The following SND1 variants were observed in gnomAD, a reference collection of about 807,000 sequenced individuals.
The protein encoded by SND1 is staphylococcal nuclease domain-containing protein 1.
SND1 carries 38 observed loss-of-function variants against 121.7 expected under a neutral mutation model. That is an observed-to-expected ratio of 0.31 (90% CI 0.24 to 0.41). The LOEUF (loss-of-function observed/expected upper bound fraction) is 0.41. Ranked by LOEUF, SND1 falls within the 10% of genes least tolerant of loss-of-function variation. The pLI is 1.00. For missense variants in SND1, 868 were observed against 1,184.6 expected, an observed-to-expected ratio of 0.73 and a Z score of 3.92; for synonymous variants, 401 against 447.4, an observed-to-expected ratio of 0.90 and a Z score of 1.31.
chr7:127,676,919 T>C (rs1795626996), intron 1 of SND1, among the ~76,000 whole-genome samples: 1 of 152,172 alleles, frequency 6.6e-6, no homozygotes, highest in South Asian at 2.1e-4. Flanking sequence ...TTTTTGTATT[T>C]TTAGTAGAGA....
At chr7:127,800,930 A>G (rs920673321) in intron 10 of SND1, among the ~76,000 whole-genome samples, 2 of 152,182 alleles carry the variant, frequency 1.3e-5, no homozygotes, top group Non-Finnish European at 2.9e-5. Context: ...GGGTTTTACT[A>G]TATCAGTCTA....
chr7:127,760,010 G>C (rs1797273944), intron 10 of SND1, among the ~76,000 whole-genome samples: 1 of 152,080 alleles, frequency 6.6e-6, no homozygotes, highest in Non-Finnish European at 1.5e-5. Context: ...CGACATACTT[G>C]GGCTCTTGTC....
chr7:127,953,196 GTGTGTGTGTGTGTGTGTGTGTGTGTA>G (rs879448301), intron 15 of SND1, among the ~76,000 whole-genome samples: 2,524 of 107,730 alleles, frequency 0.023, 77 homozygotes, highest in Middle Eastern at 0.091. Flanking sequence ...GTGTGTGTGT[GTGTGTGTGTGTGTGTGTGTGTGTGTA>G]TGTATGAAAA....
At chr7:128,018,227 T>A (rs1803269962) in intron 16 of SND1, among the ~76,000 whole-genome samples, 1 of 152,254 alleles carries the variant, frequency 6.6e-6, no homozygotes. Context: ...CAGTCATCTT[T>A]TAAGTACAAA....
At chr7:127,878,624 T>C (rs1391979804) in intron 12 of SND1, among the ~76,000 whole-genome samples, 1 of 152,150 alleles carries the variant, frequency 6.6e-6, no homozygotes, top group Non-Finnish European at 1.5e-5. Context: ...ATCTGTATTA[T>C]GAATTCTGGG....
intron 1 of SND1, 104 bp from the exon 2 acceptor site, chr7:127,686,509 A>AGT: frequency 3.2e-6 from 4 of 1,251,486 alleles, no homozygotes; most frequent in Non-Finnish European, 3.3e-6. Context: ...ATGCCTTTGA[A>AGT]GTGCAAATGC....
At chr7:127,885,263 G>A (rs1799875099) in intron 12 of SND1, among the ~76,000 whole-genome samples, 1 of 152,050 alleles carries the variant, frequency 6.6e-6, no homozygotes, top group East Asian at 1.9e-4. Context: ...TATCACATGG[G>A]GAACCCACCA....
At chr7:127,688,532 T>C (rs894974446) in intron 2 of SND1, among the ~76,000 whole-genome samples, 5 of 132,850 alleles carry the variant, frequency 3.8e-5, no homozygotes, top group African/African-American at 1.4e-4. Context: ...ACTGACAACA[T>C]AGCAAGATCC....
At chr7:127,827,270 C>T (rs1430845106) in intron 11 of SND1, among the ~76,000 whole-genome samples, 1 of 152,042 alleles carries the variant, frequency 6.6e-6, no homozygotes, top group Non-Finnish European at 1.5e-5. Flanking sequence ...CTCACTTAAC[C>T]AATTAAGAGT....
chr7:127,969,927 A>C (rs1303423968), intron 15 of SND1, among the ~76,000 whole-genome samples: 1 of 152,206 alleles, frequency 6.6e-6, no homozygotes, highest in Non-Finnish European at 1.5e-5. Flanking sequence ...TTTATCTTCT[A>C]TAAATTAGAG....
chr7:127,826,325 A>G (rs572257607), intron 11 of SND1, among the ~76,000 whole-genome samples: 2 of 152,170 alleles, frequency 1.3e-5, no homozygotes, highest in South Asian at 4.1e-4. Flanking sequence ...GTGTATGTTC[A>G]TCTTATTTTT....
At chr7:128,059,770 C>T (rs1426038260) in intron 16 of SND1, among the ~76,000 whole-genome samples, 1 of 152,124 alleles carries the variant, frequency 6.6e-6, no homozygotes, top group African/African-American at 2.4e-5. Flanking sequence ...TGGACAGCAA[C>T]CAGGAATGTA....
chr7:128,087,191 G>A, intron 21 of SND1, 140 bp downstream of exon 21: 2 of 670,738 alleles, frequency 3.0e-6, no homozygotes, highest in South Asian at 1.9e-5. Context: ...GGAAGTTGAG[G>A]AAGATGCCAC....
intron 1 of SND1, among the ~76,000 whole-genome samples, chr7:127,656,689 C>T (rs544095346): frequency 1.3e-5 from 2 of 152,256 alleles, no homozygotes; most frequent in Admixed American, 6.5e-5. Context: ...ACGTGTACTT[C>T]GCTCATGCAG....
chr7:128,032,156 C>G (rs1206136309), intron 16 of SND1: 1 of 151,860 alleles, frequency 6.6e-6, no homozygotes, highest in Non-Finnish European at 1.5e-5. Flanking sequence ...ATGCAGTGCT[C>G]TTATGTATTA....
Position 128,085,266 on chromosome 7 carries a change from C to A in SND1, c.2234+419C>A, listed in dbSNP as rs959565007. 6.6e-6 allele frequency among the ~76,000 whole-genome samples: 1 copy of A among 152,182 alleles called. No individual in the cohort carries two copies. The highest frequency in any genetic ancestry group is 1.9e-4 in the East Asian group (1 of 5,180). ...TGTCTAGGACATGAGCAGCAGTGCT[C>A]ACAGGCCGGAAGAAGGTCGCTGATG... On this transcript the variant is annotated intron_variant, in intron 19 of 23. Coordinates refer to ENST00000354725, the MANE Select transcript of SND1 (RefSeq NM_014390.4). The surrounding 1 kb of genome is among the most constrained non-coding windows in gnomAD (Gnocchi z 4.4).
At chr7:127,817,113 A>G (rs1286446400) in intron 11 of SND1, among the ~76,000 whole-genome samples, 1 of 152,230 alleles carries the variant, frequency 6.6e-6, no homozygotes, top group Non-Finnish European at 1.5e-5. Context: ...GGATGAATAA[A>G]ATATCATCTC....
At chr7:128,021,369 A>C (rs1803345137) in intron 16 of SND1, among the ~76,000 whole-genome samples, 1 of 152,214 alleles carries the variant, frequency 6.6e-6, no homozygotes, top group South Asian at 2.1e-4. Flanking sequence ...TGATCCAGGG[A>C]ACTGGCACTT....
intron 13 of SND1, among the ~76,000 whole-genome samples, chr7:127,890,182 C>T (rs1456077170): frequency 6.6e-6 from 1 of 152,038 alleles, no homozygotes; most frequent in East Asian, 1.9e-4. Context: ...ACATCCTTGC[C>T]AGAATTTATT....
Sources: gnomAD v4.1 joint callset for allele counts (sites outside exome capture counted in the v4.1 genomes callset) on GRCh38, gnomAD v4.1.1 for gene constraint, Gnocchi (gnomAD v3.1) non-coding constraint, MANE v1.5 for transcripts, NCBI Gene and HGNC (gene_info 2026-07-23, HGNC 2026-07-21) for gene names.